Variants in SNTG2 observed in about 807,000 individuals in gnomAD.
SNTG2 encodes gamma-2-syntrophin.
SNTG2 carries 74 observed loss-of-function variants against 70.9 expected under a neutral mutation model. The observed-to-expected ratio is 1.04, with a 90% CI of 0.86 to 1.27. SNTG2 has a LOEUF of 1.27. Ranked by LOEUF, SNTG2 falls within the 50% of genes most tolerant of loss-of-function variation. The pLI, the probability that SNTG2 is intolerant of heterozygous loss-of-function variation, is 0.00. For missense variants in SNTG2, 717 were observed against 690.7 expected (o/e 1.04, Z -0.43); for synonymous variants, 278 against 273.8 (o/e 1.02, Z -0.15).
At chr2:1,195,167 G>A (rs896444747) in intron 8 of SNTG2, among the ~76,000 whole-genome samples, 1 of 152,110 alleles carries the variant, frequency 6.6e-6, no homozygotes, top group Non-Finnish European at 1.5e-5. Context: ...TTGCTATTGT[G>A]AACAGTTCCA....
intron 14 of SNTG2, among the ~76,000 whole-genome samples, chr2:1,307,969 A>G (rs13414796): frequency 0.025 from 3,731 of 152,250 alleles, 136 homozygotes; most frequent in African/African-American, 0.083. Context: ...TGACCGATGT[A>G]GTTTTTGTTT....
intron 4 of SNTG2, among the ~76,000 whole-genome samples, chr2:1,104,306 A>G (rs1665979605): frequency 6.6e-6 from 1 of 152,234 alleles, no homozygotes; most frequent in Non-Finnish European, 1.5e-5. Flanking sequence ...TAGGGTTAAT[A>G]ACTTCCTAGT....
intron 14 of SNTG2, among the ~76,000 whole-genome samples, chr2:1,286,074 G>C (rs1379597574): frequency 6.6e-6 from 1 of 152,202 alleles, no homozygotes; most frequent in African/African-American, 2.4e-5. Flanking sequence ...AGCCCAAAGT[G>C]TCCAGGTGGC....
intron 1 of SNTG2, among the ~76,000 whole-genome samples, chr2:1,022,457 C>T (rs191908793): frequency 1.2e-3 from 180 of 151,968 alleles, no homozygotes; most frequent in African/African-American, 4.2e-3. Context: ...CCATGATTGC[C>T]TGAGTTCCCA....
intron 7 of SNTG2, 75 bp from the exon 8 acceptor site, chr2:1,173,017 C>A: frequency 7.4e-7 from 1 of 1,351,742 alleles, no homozygotes; most frequent in Non-Finnish European, 1.1e-6. Context: ...ACAGGTAGAA[C>A]TGAAGTCACT....
intron 16 of SNTG2, among the ~76,000 whole-genome samples, chr2:1,349,720 C>T (rs1410041918): frequency 6.6e-6 from 1 of 152,190 alleles, no homozygotes; most frequent in Non-Finnish European, 1.5e-5. Flanking sequence ...AAGTGCCATC[C>T]AGATGCCAGG....
chr2:1,185,468 C>G (rs1672188955), intron 8 of SNTG2, among the ~76,000 whole-genome samples: 1 of 152,184 alleles, frequency 6.6e-6, no homozygotes. Context: ...AAGGCTTCTC[C>G]CCTGCAGCAG....
chr2:1,012,037 CAGTT>C (rs763681892), intron 1 of SNTG2, among the ~76,000 whole-genome samples: 7 of 152,186 alleles, frequency 4.6e-5, no homozygotes, highest in Non-Finnish European at 7.3e-5. Context: ...GAATACCAAA[CAGTT>C]AGATTCCTGG....
At chr2:1,122,453 A>G (rs773144085) in intron 4 of SNTG2, among the ~76,000 whole-genome samples, 1 of 152,186 alleles carries the variant, frequency 6.6e-6, no homozygotes, top group African/African-American at 2.4e-5. Context: ...CCAGTTTAAC[A>G]TTTTCAGATT....
chr2:1,185,461 G>C (rs1184248984), intron 8 of SNTG2, among the ~76,000 whole-genome samples: 2 of 152,126 alleles, frequency 1.3e-5, no homozygotes, highest in East Asian at 1.9e-4. Flanking sequence ...CTCCATGAAG[G>C]CTTCTCCCCT....
intron 14 of SNTG2, among the ~76,000 whole-genome samples, chr2:1,300,667 C>T (rs537866598): frequency 1.3e-5 from 2 of 152,270 alleles, no homozygotes; most frequent in South Asian, 2.1e-4. Flanking sequence ...TGAACAGAAT[C>T]GCTTCTTTAA....
intron 2 of SNTG2, among the ~76,000 whole-genome samples, chr2:1,087,606 TTTTG>T (rs1664765687): frequency 6.6e-6 from 1 of 152,122 alleles, no homozygotes; most frequent in South Asian, 2.1e-4. Context: ...CTAAAGCCAT[TTTTG>T]AATGATTGAG....
At chr2:1,230,159 A>C (rs1206694438) in intron 9 of SNTG2, among the ~76,000 whole-genome samples, 1 of 152,236 alleles carries the variant, frequency 6.6e-6, no homozygotes, top group Non-Finnish European at 1.5e-5. Flanking sequence ...GTCACCTCTC[A>C]CTACCAGGAT....
chr2:1,271,897 A>T (rs1679041649), intron 14 of SNTG2, among the ~76,000 whole-genome samples: 2 of 152,064 alleles, frequency 1.3e-5, no homozygotes, highest in Admixed American at 6.6e-5. Flanking sequence ...CCATTGGCTG[A>T]TTGGCTTCTC....
chr2:1,198,467 TAAA>T (rs903027429), intron 8 of SNTG2, among the ~76,000 whole-genome samples: 5 of 141,538 alleles, frequency 3.5e-5, no homozygotes, highest in African/African-American at 1.0e-4. Flanking sequence ...TCGAAAAACG[TAAA>T]AAAAAAAGTC....
intron 8 of SNTG2, among the ~76,000 whole-genome samples, chr2:1,180,962 G>A (rs1245427692): frequency 3.3e-5 from 5 of 152,006 alleles, no homozygotes; most frequent in Non-Finnish European, 1.5e-5. Context: ...GCAAACCATC[G>A]CAAGGACAAA....
At chr2:1,235,665 C>T (rs1161175483) in intron 9 of SNTG2, among the ~76,000 whole-genome samples, 1 of 151,924 alleles carries the variant, frequency 6.6e-6, no homozygotes, top group Non-Finnish European at 1.5e-5. Flanking sequence ...CTTACCCCCA[C>T]GCTGCCCCAG....
chr2:959,270 C>T (rs749076179), intron 1 of SNTG2, among the ~76,000 whole-genome samples: 3 of 152,040 alleles, frequency 2.0e-5, no homozygotes, highest in Middle Eastern at 3.2e-3. Context: ...GCTTTGTAAG[C>T]GCTGGGATGT....
At chr2:972,385 CCTTCTTTGT>C (rs1253709745) in intron 1 of SNTG2, among the ~76,000 whole-genome samples, 4 of 152,114 alleles carry the variant, frequency 2.6e-5, no homozygotes, top group Non-Finnish European at 4.4e-5. Context: ...TGTATGAGGT[CCTTCTTTGT>C]CTTCTTTGAT....
Sources: gnomAD v4.1 joint callset for allele counts (sites outside exome capture counted in the v4.1 genomes callset) on GRCh38, gnomAD v4.1.1 for gene constraint, MANE v1.5 for transcripts, NCBI Gene and HGNC (gene_info 2026-07-23, HGNC 2026-07-21) for gene names.